Variants in LRRD1 observed in about 807,000 individuals in gnomAD.
The protein encoded by LRRD1 is leucine rich repeats and death domain containing 1, also known as leucine-rich repeat and death domain-containing protein 1.
LRRD1 carries 49 observed loss-of-function variants against 69.5 expected under a neutral mutation model. The ratio of observed to expected loss-of-function variants is 0.70; its 90% CI spans 0.56 to 0.89. The LOEUF (loss-of-function observed/expected upper bound fraction) is 0.89. LRRD1 is among the 40% of genes least tolerant of loss of function. The pLI, the probability that LRRD1 is intolerant of heterozygous loss-of-function variation, is 0.00. For missense variants in LRRD1, 853 were observed against 956.0 expected, an observed-to-expected ratio of 0.89 and a Z score of 1.42; for synonymous variants, 303 against 338.9, an observed-to-expected ratio of 0.89 and a Z score of 1.16.
chr7:92,159,986 T>C (rs959520143), intron 2 of LRRD1, among the ~76,000 whole-genome samples: 2 of 152,184 alleles, frequency 1.3e-5, no homozygotes, highest in Non-Finnish European at 2.9e-5. Flanking sequence ...GATACACATG[T>C]TTTATACTTT....
At chr7:92,149,922 G>C in intron 4 of LRRD1, 1 of 456,676 alleles carries the variant, frequency 2.2e-6, no homozygotes, top group South Asian at 1.6e-5. Context: ...TGTGGATTTT[G>C]AGTCTGGCCA....
At position 92,163,363 on chromosome 7, in the gene LRRD1, ATTGATTGC is replaced by A; in HGVS notation, c.1832_1839del (p.Ser611IlefsTer7). 6.5e-7 allele frequency: 1 copy of A among 1,544,344 alleles called. No individual in the cohort carries two copies. Among genetic ancestry groups the A allele is most frequent in the East Asian group, 2.4e-5 (1 of 40,878 alleles). ...CACAGTTCAATAGGAAAATGTATAA[ATTGATTGC>A]TTGAGAAGTTTAATTTCTGGATTCC... On this transcript the variant is annotated frameshift_variant, in exon 2 of 6. Transcript: ENST00000458448. LOFTEE classifies it high-confidence loss of function.
At chr7:92,151,151 A>AT (rs1327919541) in intron 3 of LRRD1, among the ~76,000 whole-genome samples, 1 of 152,126 alleles carries the variant, frequency 6.6e-6, no homozygotes, top group Admixed American at 6.5e-5. Flanking sequence ...TACACTTCAG[A>AT]TTTTTTTGGA....
intron 1 of LRRD1, among the ~76,000 whole-genome samples, chr7:92,166,493 GC>G (rs1157877888): frequency 6.6e-6 from 1 of 152,062 alleles, no homozygotes; most frequent in Non-Finnish European, 1.5e-5. Flanking sequence ...AAAATTACAG[GC>G]CAAATTTACT....
chr7:92,167,876 CAAAAAAAAAAAAAAAA>C (rs542619786), intron 1 of LRRD1, among the ~76,000 whole-genome samples: 9 of 46,186 alleles, frequency 1.9e-4, no homozygotes, highest in Admixed American at 3.9e-4. Flanking sequence ...GACTCTGTCT[CAAAAAAAAAAAAAAAA>C]AAAAAAAAAA....
At position 92,145,439 on chromosome 7, in the gene LRRD1, CT is replaced by C. The variant is rs745661467; in HGVS notation, c.2397-366del. On this transcript the variant is annotated intron_variant, in intron 5 of 5. Transcript: ENST00000458448. ...TATATTACTGCTACTATACTATATG[CT>C]TTTTTTTTTTTTTTTTTTTTAGACA... Among the ~76,000 whole-genome samples, 697 of 129,430 alleles carry C rather than the reference CT, an allele frequency of 5.4e-3. 3 individuals are homozygous for C. Among genetic ancestry groups the C allele is most frequent in the African/African-American group, 0.012 (432 of 35,468 alleles). 84.9% of individuals were successfully genotyped at this position (129,430 alleles called of 152,430 possible). A position where few individuals can be genotyped will look rare whatever the true frequency, so the allele number is the denominator to read the frequency against.
chr7:92,174,488 TATATATATATATATATATATA>T (rs1426098571), intron 1 of LRRD1, among the ~76,000 whole-genome samples: 1 of 17,178 alleles, frequency 5.8e-5, no homozygotes, highest in South Asian at 1.7e-3. Context: ...TATATATATA[TATATATATATATATATATATA>T]TTTTTTTTTT....
chr7:92,151,372 G>A (rs1322355544), intron 3 of LRRD1, among the ~76,000 whole-genome samples: 1 of 152,174 alleles, frequency 6.6e-6, no homozygotes, highest in African/African-American at 2.4e-5. Context: ...TTAGACTGGG[G>A]TTATGGGTTT....
chr7:92,166,226 T>A (rs925693454), intron 1 of LRRD1, among the ~76,000 whole-genome samples: 8 of 152,338 alleles, frequency 5.3e-5, no homozygotes, highest in Middle Eastern at 3.4e-3. Context: ...TGACCCAGTA[T>A]TTTCCCTTTG....
chr7:92,166,346 A>G (rs1240078817), intron 1 of LRRD1, among the ~76,000 whole-genome samples: 3 of 152,216 alleles, frequency 2.0e-5, no homozygotes, highest in Admixed American at 6.5e-5. Context: ...GCAACTTCTT[A>G]TATTAAATCC....
downstream of LRRD1, chr7:92,142,719 G>A: frequency 2.4e-6 from 1 of 418,464 alleles, no homozygotes; most frequent in Non-Finnish European, 4.7e-6. Flanking sequence ...CAGGAGTGAA[G>A]CTGCAGACCT....
Position 92,164,131 on chromosome 7 carries a change from CG to C in LRRD1, c.1071del (p.Asp358ThrfsTer27). On this transcript the variant is annotated frameshift_variant, in exon 2 of 6. Transcript: ENST00000458448. LOFTEE classifies it high-confidence loss of function. ...TGTGAAATAACTTCCAATTTATTGT[CG>C]GCCAGTTGGAGTTCTTTTATTTTGA... ...QLLKIKELQL[A>X]DNKLEVISHK... is the part of the protein sequence containing the mutation. The C allele has an allele frequency of 6.5e-7, 1 of 1,549,888 alleles. No individual in the cohort carries two copies. Among genetic ancestry groups the C allele is most frequent in the Non-Finnish European group, 8.7e-7 (1 of 1,146,372 alleles).
intron 1 of LRRD1, among the ~76,000 whole-genome samples, chr7:92,174,510 T>TATATATATATATA (rs1491100533): frequency 7.9e-4 from 10 of 12,596 alleles, no homozygotes; most frequent in African/African-American, 3.1e-3. Flanking sequence ...TATATATATA[T>TATATATATATATA]TTTTTTTTTT....
chr7:92,149,391 A>T (rs1820410695), intron 4 of LRRD1, among the ~76,000 whole-genome samples: 1 of 152,210 alleles, frequency 6.6e-6, no homozygotes, highest in Non-Finnish European at 1.5e-5. Context: ...GAGGACCAAA[A>T]TCTGGATTCA....
intron 1 of LRRD1, among the ~76,000 whole-genome samples, chr7:92,175,721 C>A (rs1789180689): frequency 6.6e-6 from 1 of 152,076 alleles, no homozygotes; most frequent in South Asian, 2.1e-4. Context: ...GTAAGGAAAC[C>A]ATAAATTCTA....
chr7:92,145,439 CTTT>C (rs745661467), intron 5 of LRRD1, among the ~76,000 whole-genome samples: 4 of 129,436 alleles, frequency 3.1e-5, no homozygotes, highest in African/African-American at 2.8e-5. Context: ...ATACTATATG[CTTT>C]TTTTTTTTTT....
intron 1 of LRRD1, among the ~76,000 whole-genome samples, chr7:92,176,707 G>A (rs528534377): frequency 6.6e-6 from 1 of 152,068 alleles, no homozygotes; most frequent in Non-Finnish European, 1.5e-5. Flanking sequence ...GGGACTACAG[G>A]TGCATGCCAC....
downstream of LRRD1, chr7:92,144,739 G>T: frequency 4.6e-6 from 2 of 434,036 alleles, no homozygotes; most frequent in Non-Finnish European, 8.1e-6. Flanking sequence ...TAACATTAGA[G>T]TGATAGTTAT....
intron 1 of LRRD1, among the ~76,000 whole-genome samples, chr7:92,168,620 G>T (rs189700860): frequency 6.7e-6 from 1 of 149,174 alleles, no homozygotes; most frequent in Admixed American, 6.7e-5. Flanking sequence ...TAGGCTTAAG[G>T]TTCTATATAG....
Sources: allele counts gnomAD v4.1 joint callset (sites outside exome capture counted in the v4.1 genomes callset), GRCh38; gene constraint gnomAD v4.1.1; transcripts MANE v1.5; gene names NCBI Gene and HGNC (gene_info 2026-07-23, HGNC 2026-07-21).